MYO5B: variants seen among roughly 807,000 people sequenced by gnomAD.
MYO5B encodes the protein unconventional myosin-Vb.
Under a neutral mutation model 229.3 loss-of-function variants are expected in MYO5B, and 143 were observed. That is an observed-to-expected ratio of 0.62 (90% CI 0.54 to 0.72). MYO5B has a LOEUF of 0.72. Among genes scored for constraint, MYO5B ranks in the 30% least tolerant of loss-of-function variants. MYO5B has a pLI of 0.00. For synonymous variants in MYO5B, 918 were observed against 885.2 expected (o/e 1.04, Z -0.66); for missense variants, 2,321 against 2,331.0 (o/e 1.00, Z 0.09).
intron 12 of MYO5B, among the ~76,000 whole-genome samples, chr18:49,955,136 G>T (rs2025478890): frequency 6.6e-6 from 1 of 152,178 alleles, no homozygotes; most frequent in African/African-American, 2.4e-5. Context: ...CATGCAGTGA[G>T]AACTAAGTAC....
intron 1 of MYO5B, among the ~76,000 whole-genome samples, chr18:50,179,470 T>C (rs902671768): frequency 3.3e-5 from 5 of 152,088 alleles, no homozygotes; most frequent in Non-Finnish European, 7.4e-5. Context: ...AGTCAGCAAT[T>C]AAGAGGCTGC....
chr18:49,962,433 G>A, intron 11 of MYO5B, 27 bp from the exon 12 acceptor site: 1 of 1,614,040 alleles, frequency 6.2e-7, no homozygotes, highest in Non-Finnish European at 8.5e-7. Flanking sequence ...GGTCACACGA[G>A]TGAACTGCAG....
intron 9 of MYO5B, among the ~76,000 whole-genome samples, chr18:49,977,139 G>C (rs1161427656): frequency 6.6e-6 from 1 of 152,124 alleles, no homozygotes; most frequent in African/African-American, 2.4e-5. Flanking sequence ...CACCACAGTG[G>C]GGCGGGGCTT....
chr18:50,097,850 C>A (rs2031582627), intron 1 of MYO5B, among the ~76,000 whole-genome samples: 1 of 152,226 alleles, frequency 6.6e-6, no homozygotes, highest in Admixed American at 6.5e-5. Flanking sequence ...GTGGATCACA[C>A]ACCCTGGTGA....
chr18:49,851,615 T>C (rs1222790208), intron 31 of MYO5B, among the ~76,000 whole-genome samples: 1 of 152,162 alleles, frequency 6.6e-6, no homozygotes, highest in African/African-American at 2.4e-5. Flanking sequence ...AATGAGCACA[T>C]CTGAAGATGG....
At chr18:50,056,223 T>A (rs1477380584) in intron 1 of MYO5B, among the ~76,000 whole-genome samples, 1 of 152,232 alleles carries the variant, frequency 6.6e-6, no homozygotes, top group Admixed American at 6.5e-5. Flanking sequence ...CAGGATTAAC[T>A]GTCTGACTTG....
chr18:50,109,342 C>T (rs1421713179), intron 1 of MYO5B, among the ~76,000 whole-genome samples: 1 of 152,126 alleles, frequency 6.6e-6, no homozygotes, highest in Non-Finnish European at 1.5e-5. Flanking sequence ...AGAAATGCCC[C>T]CAGAAGAGTT....
chr18:50,128,050 A>G (rs1311185207), intron 1 of MYO5B, among the ~76,000 whole-genome samples: 1 of 152,198 alleles, frequency 6.6e-6, no homozygotes, highest in Non-Finnish European at 1.5e-5. Flanking sequence ...CTGGAACTAC[A>G]CCATCAGCTC....
chr18:49,940,039 T>C (rs1005526174), intron 14 of MYO5B, among the ~76,000 whole-genome samples: 3 of 152,164 alleles, frequency 2.0e-5, no homozygotes, highest in African/African-American at 7.2e-5. Context: ...AGACCTTCAA[T>C]AAATTAAGTT....
chr18:49,840,284 T>G (rs1296412235), intron 35 of MYO5B: 1 of 152,260 alleles, frequency 6.6e-6, no homozygotes, highest in East Asian at 1.9e-4. Flanking sequence ...TGCTTGGATA[T>G]TATGATTTTG....
chr18:50,016,707 T>C (rs931936659), intron 4 of MYO5B, among the ~76,000 whole-genome samples: 2 of 152,134 alleles, frequency 1.3e-5, no homozygotes, highest in African/African-American at 4.8e-5. Context: ...AATATACAAT[T>C]CAAAGGTGCT....
At chr18:50,033,662 T>G (rs979524137) in intron 4 of MYO5B, among the ~76,000 whole-genome samples, 1 of 151,520 alleles carries the variant, frequency 6.6e-6, no homozygotes, top group Admixed American at 6.6e-5. Context: ...GAAGGAGGAG[T>G]AGAAAGCACA....
intron 4 of MYO5B, among the ~76,000 whole-genome samples, chr18:50,007,563 C>A (rs2026116202): frequency 6.6e-6 from 1 of 152,224 alleles, no homozygotes; most frequent in African/African-American, 2.4e-5. Context: ...GTGTTCAAGG[C>A]CCTGGGGGAC....
intron 1 of MYO5B, among the ~76,000 whole-genome samples, chr18:50,133,869 G>T (rs1012736458): frequency 6.6e-6 from 1 of 152,086 alleles, no homozygotes; most frequent in African/African-American, 2.4e-5. Context: ...GGAGGTGGGG[G>T]GAGTTATTTA....
At chr18:50,010,403 C>G (rs2026149285) in intron 4 of MYO5B, among the ~76,000 whole-genome samples, 2 of 152,204 alleles carry the variant, frequency 1.3e-5, no homozygotes, top group African/African-American at 2.4e-5. Flanking sequence ...CCATCGTGGG[C>G]AGACAGGCCA....
intron 1 of MYO5B, among the ~76,000 whole-genome samples, chr18:50,076,052 A>G (rs1162956903): frequency 6.6e-6 from 1 of 152,238 alleles, no homozygotes; most frequent in African/African-American, 2.4e-5. Context: ...CATCTCCTGG[A>G]TGATCTCATT....
intron 3 of MYO5B, among the ~76,000 whole-genome samples, chr18:50,039,548 G>A (rs866316153): frequency 6.6e-6 from 1 of 152,094 alleles, no homozygotes; most frequent in Non-Finnish European, 1.5e-5. Flanking sequence ...AGTGAGGATG[G>A]TCTCAATCTC....
In MYO5B at chr18:49,863,999, G is replaced by T. The variant is rs891434907; in HGVS notation, c.3843+142C>A. 16 of 1,279,696 alleles carry T rather than the reference G, an allele frequency of 1.3e-5. No homozygotes were observed. In the Admixed American group the frequency reaches 1.3e-4, roughly 10 times the overall value. The allele number at this position is 1,279,696 out of a possible 1,614,324, so 79.3% of individuals were successfully genotyped here. On this transcript the variant is annotated intron_variant, in intron 28 of 39. Transcript: ENST00000285039. ...GACAGGGCAGCAAGGCTTTTGCTCTGCCTTTTTGGAGGAGACCCCACAGCG... is the reference window on the plus strand; with the variant it reads ...GACAGGGCAGCAAGGCTTTTGCTCTTCCTTTTTGGAGGAGACCCCACAGCG...
chr18:50,185,149 A>G (rs1391377485), intron 1 of MYO5B, among the ~76,000 whole-genome samples: 2 of 152,124 alleles, frequency 1.3e-5, no homozygotes, highest in Non-Finnish European at 2.9e-5. Context: ...AGTTAATACA[A>G]ACAAGAAATA....
Sources: allele counts gnomAD v4.1 joint callset (sites outside exome capture counted in the v4.1 genomes callset), GRCh38; gene constraint gnomAD v4.1.1; transcripts MANE v1.5; gene names NCBI Gene and HGNC (gene_info 2026-07-23, HGNC 2026-07-21).